Variants in ADAM12 observed in about 807,000 individuals in gnomAD.
ADAM12 encodes ADAM metallopeptidase domain 12, also known as disintegrin and metalloproteinase domain-containing protein 12.
A neutral mutation model predicts 106.4 loss-of-function variants in ADAM12; 70 were observed. That is an observed-to-expected ratio of 0.66 (90% CI 0.54 to 0.80). The LOEUF is 0.80. Ranked by LOEUF, ADAM12 falls within the 30% of genes least tolerant of loss-of-function variation. The pLI is 0.00. For synonymous variants in ADAM12, 420 were observed against 433.5 expected (o/e 0.97, Z 0.39); for missense variants, 1,010 against 1,171.9 (o/e 0.86, Z 2.02).
chr10:126,152,500 C>T (rs1956745537), intron 4 of ADAM12, among the ~76,000 whole-genome samples: 1 of 151,860 alleles, frequency 6.6e-6, no homozygotes, highest in South Asian at 2.1e-4. Flanking sequence ...TCCCTTTATG[C>T]CTATTAATGT....
intron 3 of ADAM12, among the ~76,000 whole-genome samples, chr10:126,249,244 C>G (rs543186851): frequency 6.6e-6 from 1 of 152,088 alleles, no homozygotes; most frequent in South Asian, 2.1e-4. Context: ...TAAAATGTAG[C>G]CACACAGCTA....
chr10:126,296,813 C>G (rs1352908464), intron 2 of ADAM12, among the ~76,000 whole-genome samples: 1 of 152,230 alleles, frequency 6.6e-6, no homozygotes, highest in Non-Finnish European at 1.5e-5. Flanking sequence ...TATCGGGGAT[C>G]TGCTTAGCTA....
intron 2 of ADAM12, among the ~76,000 whole-genome samples, chr10:126,317,056 G>C (rs750718706): frequency 1.3e-5 from 2 of 152,116 alleles, no homozygotes; most frequent in African/African-American, 4.8e-5. Context: ...CTGGGTGACT[G>C]AAGTTTGAGA....
chr10:126,021,018 A>G (rs935164843), intron 21 of ADAM12, among the ~76,000 whole-genome samples: 2 of 147,690 alleles, frequency 1.4e-5, no homozygotes, highest in Admixed American at 6.7e-5. Context: ...AAAAAATGTA[A>G]GAACACATGC....
chr10:126,092,283 AG>A (rs1955479658), intron 11 of ADAM12, among the ~76,000 whole-genome samples: 1 of 152,200 alleles, frequency 6.6e-6, no homozygotes, highest in Admixed American at 6.5e-5. Flanking sequence ...GTTCATTGAG[AG>A]TGAGAAAACA....
chr10:126,363,292 G>A (rs1410398025), intron 1 of ADAM12, among the ~76,000 whole-genome samples: 1 of 152,140 alleles, frequency 6.6e-6, no homozygotes. Flanking sequence ...GTTCCATAAA[G>A]ATATTGGGGC....
At chr10:126,366,527 A>C (rs894796891) in intron 1 of ADAM12, among the ~76,000 whole-genome samples, 1 of 152,152 alleles carries the variant, frequency 6.6e-6, no homozygotes, top group Non-Finnish European at 1.5e-5. Flanking sequence ...AAGCAAAAAC[A>C]TACTGGGCAA....
intron 2 of ADAM12, among the ~76,000 whole-genome samples, chr10:126,319,657 G>T (rs942411723): frequency 6.6e-6 from 1 of 152,118 alleles, no homozygotes; most frequent in African/African-American, 2.4e-5. Flanking sequence ...ATCAGAAAAC[G>T]AACATTGAGT....
intron 3 of ADAM12, among the ~76,000 whole-genome samples, chr10:126,176,510 T>A (rs922251098): frequency 6.6e-6 from 1 of 152,230 alleles, no homozygotes; most frequent in East Asian, 1.9e-4. Context: ...TGGCAAGACA[T>A]TGCCATTGCA....
intron 2 of ADAM12, 74 bp downstream of exon 2, chr10:126,330,336 TGA>T: frequency 8.1e-7 from 1 of 1,228,000 alleles, no homozygotes; most frequent in Non-Finnish European, 1.2e-6. Context: ...AACCCTTGAA[TGA>T]GAGAATACCA....
intron 3 of ADAM12, among the ~76,000 whole-genome samples, chr10:126,214,611 T>C (rs892021035): frequency 2.0e-5 from 3 of 152,184 alleles, no homozygotes; most frequent in African/African-American, 7.2e-5. Flanking sequence ...GATTCACTGA[T>C]TGACAGTACC....
At chr10:126,127,215 T>G (rs1174702088) in intron 5 of ADAM12, among the ~76,000 whole-genome samples, 1 of 152,092 alleles carries the variant, frequency 6.6e-6, no homozygotes, top group Non-Finnish European at 1.5e-5. Context: ...TGTGGAAACC[T>G]GGCTAGAGAC....
At chr10:126,290,933 A>C (rs952432985) in intron 2 of ADAM12, among the ~76,000 whole-genome samples, 4 of 152,252 alleles carry the variant, frequency 2.6e-5, no homozygotes, top group African/African-American at 9.6e-5. Context: ...ATTTTGGTGT[A>C]GAATGTTTTA....
intron 17 of ADAM12, among the ~76,000 whole-genome samples, chr10:126,045,815 C>CT (rs1954301945): frequency 2.0e-5 from 3 of 152,120 alleles, no homozygotes; most frequent in African/African-American, 7.2e-5. Context: ...CAACAAAAGT[C>CT]TTTTTTAAAA....
At chr10:126,269,406 A>G (rs1192352086) in intron 3 of ADAM12, among the ~76,000 whole-genome samples, 2 of 152,180 alleles carry the variant, frequency 1.3e-5, no homozygotes, top group Admixed American at 1.3e-4. Context: ...CAAAACTTTC[A>G]AGCTTTCCAG....
intron 11 of ADAM12, among the ~76,000 whole-genome samples, chr10:126,084,577 C>A (rs1240656707): frequency 6.6e-6 from 1 of 152,146 alleles, no homozygotes; most frequent in African/African-American, 2.4e-5. Flanking sequence ...ACTTAGCAAG[C>A]CTGTAACAGG....
chr10:126,256,875 C>T (rs1337199485), intron 3 of ADAM12, among the ~76,000 whole-genome samples: 4 of 151,400 alleles, frequency 2.6e-5, no homozygotes, highest in Non-Finnish European at 4.4e-5. Flanking sequence ...ATATATATTC[C>T]TAAGAAATAC....
intron 5 of ADAM12, among the ~76,000 whole-genome samples, chr10:126,125,096 C>A (rs1214260856): frequency 6.6e-6 from 1 of 151,992 alleles, no homozygotes; most frequent in African/African-American, 2.4e-5. Flanking sequence ...AGCTTATTCA[C>A]TGAGTCATGC....
intron 3 of ADAM12, among the ~76,000 whole-genome samples, chr10:126,191,160 C>T (rs746712912): frequency 1.3e-5 from 2 of 151,766 alleles, no homozygotes; most frequent in Non-Finnish European, 2.9e-5. Context: ...TGCCACCACG[C>T]CCGGCTAATT....
Sources: gnomAD v4.1 joint callset for allele counts (sites outside exome capture counted in the v4.1 genomes callset) on GRCh38, gnomAD v4.1.1 for gene constraint, MANE v1.5 for transcripts, NCBI Gene and HGNC (gene_info 2026-07-23, HGNC 2026-07-21) for gene names.